The following PROSER2 variants were observed in gnomAD, a reference collection of about 807,000 sequenced individuals.
PROSER2 encodes proline and serine rich 2.
A neutral mutation model predicts 14.6 loss-of-function variants in PROSER2; 18 were observed. The ratio of observed to expected loss-of-function variants is 1.23; its 90% CI spans 0.85 to 1.83. PROSER2 has a LOEUF of 1.83. PROSER2 is among the 40% of genes most tolerant of loss of function. PROSER2 has a pLI of 0.00. For missense variants in PROSER2, 823 were observed against 629.8 expected, an observed-to-expected ratio of 1.31 and a Z score of -3.28; for synonymous variants, 367 against 286.4, an observed-to-expected ratio of 1.28 and a Z score of -2.84.
At chr10:11,861,262 A>C (rs959869370) in intron 2 of PROSER2, among the ~76,000 whole-genome samples, 3 of 152,026 alleles carry the variant, frequency 2.0e-5, no homozygotes, top group African/African-American at 7.3e-5. Context: ...TCCTCTCTGA[A>C]GTTTTTCCTG....
At chr10:11,824,713 G>A (rs1833586961) in intron 1 of PROSER2, among the ~76,000 whole-genome samples, 1 of 152,156 alleles carries the variant, frequency 6.6e-6, no homozygotes, top group African/African-American at 2.4e-5. Context: ...ATGTTAAAGC[G>A]ACTGGATTAT....
In PROSER2 at chr10:11,838,813, A is replaced by G. The variant is rs1275363574; in HGVS notation, c.-81-13184A>G. Among the ~76,000 whole-genome samples the G allele has an allele frequency of 6.6e-6, 1 of 152,154 alleles. No homozygotes were observed. The highest frequency in any genetic ancestry group is 1.5e-5 in the Non-Finnish European group (1 of 68,026). ...CCTCGTTTGTACACTGTCTAATCAT[A>G]TTCCTTGTTCATTATTTTTTTCTGA... On this transcript the variant is annotated intron_variant, in intron 1 of 3. Transcript: ENST00000277570. This position sits in a 1 kb window ranked among gnomAD's most constrained non-coding sequence, Gnocchi z 4.4.
chr10:11,842,353 T>C (rs143754443), intron 1 of PROSER2, among the ~76,000 whole-genome samples: 3 of 152,352 alleles, frequency 2.0e-5, no homozygotes, highest in Non-Finnish European at 4.4e-5. Context: ...TTTTGTCTTT[T>C]GTCCTTGCCT....
intron 2 of PROSER2, among the ~76,000 whole-genome samples, chr10:11,860,990 C>T (rs1834225744): frequency 6.6e-6 from 1 of 152,132 alleles, no homozygotes; most frequent in South Asian, 2.1e-4. Context: ...CCTGTAGTCC[C>T]AGCTACCCTG....
In PROSER2 at chr10:11,830,271, A is replaced by G. The variant is rs1314565564; in HGVS notation, c.-82+6801A>G. Among the ~76,000 whole-genome samples the G allele has an allele frequency of 6.6e-6, 1 of 152,328 alleles. No homozygotes were observed. The highest frequency in any genetic ancestry group is 1.9e-4 in the East Asian group (1 of 5,188). On this transcript the variant is annotated intron_variant, in intron 1 of 3. Coordinates refer to ENST00000277570, the MANE Select transcript of PROSER2 (RefSeq NM_153256.4). The surrounding 1 kb of genome is among the most constrained non-coding windows in gnomAD (Gnocchi z 4.5). The stretch of plus-strand genomic sequence containing the variant: ...TCGTTTAGTTCCCACTTGTGAGAAC[A>G]TGCAGTGTTTGACTTTCAGAGTTAG...
chr10:11,839,666 A>T (rs2131055790), intron 1 of PROSER2, among the ~76,000 whole-genome samples: 1 of 152,048 alleles, frequency 6.6e-6, no homozygotes, highest in East Asian at 2.0e-4. Flanking sequence ...CTCTACTAAA[A>T]ACACAAAAAT....
intron 1 of PROSER2, among the ~76,000 whole-genome samples, chr10:11,839,850 C>G (rs1002360507): frequency 6.6e-6 from 1 of 150,398 alleles, no homozygotes; most frequent in Admixed American, 6.7e-5. Context: ...ACTTAAAATA[C>G]AATATGGAAT....
intron 1 of PROSER2, among the ~76,000 whole-genome samples, chr10:11,829,420 C>CA (rs1833660752): frequency 1.3e-5 from 2 of 151,448 alleles, no homozygotes; most frequent in African/African-American, 2.4e-5. Context: ...CCCCCATCTA[C>CA]AAAAAATTAA....
rs936243350 is a variant in PROSER2 at position 11,871,149 on chromosome 10, G to C, written c.*743G>C. Reference sequence around the variant, plus strand: ...GTACGTGTCAACACATACATGCATAGGTATCCTGTGTGTCCACATGCATCA... The same window carrying C: ...GTACGTGTCAACACATACATGCATACGTATCCTGTGTGTCCACATGCATCA... On this transcript the variant is annotated 3_prime_UTR_variant, in exon 4 of 4. Transcript: ENST00000277570. The C allele has an allele frequency of 6.6e-6, 1 of 152,170 alleles. No homozygotes were observed. Among genetic ancestry groups the C allele is most frequent in the African/African-American group, 2.4e-5 (1 of 41,422 alleles). The allele number at this position is 152,170 out of a possible 1,614,324, so 9.4% of individuals were successfully genotyped here. A position where few individuals can be genotyped will look rare whatever the true frequency, so the allele number is the denominator to read the frequency against.
At chr10:11,842,931 C>G (rs377005333) in intron 1 of PROSER2, among the ~76,000 whole-genome samples, 1 of 51,956 alleles carries the variant, frequency 1.9e-5, no homozygotes, top group Non-Finnish European at 3.7e-5. Flanking sequence ...TGCCATTGTT[C>G]TTTTTTTTTT....
At chr10:11,839,023 A>G (rs941322326) in intron 1 of PROSER2, among the ~76,000 whole-genome samples, 1 of 152,204 alleles carries the variant, frequency 6.6e-6, no homozygotes, top group Admixed American at 6.5e-5. Context: ...TTGAGTCCTA[A>G]TGAATAGAAA....
At chr10:11,842,931 C>CTGTTTTTT (rs1833865926) in intron 1 of PROSER2, among the ~76,000 whole-genome samples, 1 of 51,956 alleles carries the variant, frequency 1.9e-5, no homozygotes, top group Non-Finnish European at 3.7e-5. Flanking sequence ...TGCCATTGTT[C>CTGTTTTTT]TTTTTTTTTT....
At chr10:11,841,408 A>T (rs918528605) in intron 1 of PROSER2, among the ~76,000 whole-genome samples, 27 of 151,812 alleles carry the variant, frequency 1.8e-4, no homozygotes, top group Admixed American at 1.7e-3. Flanking sequence ...ATTTTTCTCT[A>T]CTGTATGTTT....
chr10:11,833,185 A>G (rs1266354718), intron 1 of PROSER2, among the ~76,000 whole-genome samples: 1 of 149,200 alleles, frequency 6.7e-6, no homozygotes, highest in African/African-American at 2.5e-5. Flanking sequence ...TAAGTAACAA[A>G]TAGTGATTAA....
At chr10:11,860,799 A>G (rs994540082) in intron 2 of PROSER2, among the ~76,000 whole-genome samples, 1 of 152,026 alleles carries the variant, frequency 6.6e-6, no homozygotes, top group African/African-American at 2.4e-5. Context: ...GAACAAAACC[A>G]AAAGCAAGTA....
At chr10:11,850,756 A>G (rs1187586546) in intron 1 of PROSER2, 1 of 152,230 alleles carries the variant, frequency 6.6e-6, no homozygotes, top group Non-Finnish European at 1.5e-5. Context: ...GAAGTCTTAA[A>G]TGACAGGTTC....
chr10:11,833,370 C>T (rs1422976400), intron 1 of PROSER2, among the ~76,000 whole-genome samples: 1 of 148,982 alleles, frequency 6.7e-6, no homozygotes, highest in Non-Finnish European at 1.5e-5. Flanking sequence ...TAATGAGACC[C>T]CATCTCCAAA....
In PROSER2 at chr10:11,837,512, C is replaced by T. The variant is rs1480509232; in HGVS notation, c.-82+14042C>T. Reference sequence around the variant, plus strand: ...AGGGAGAACTGCAGCAATATAGGTACATGGGGTTGTCTTCAGACCCAGCCT... The same window carrying T: ...AGGGAGAACTGCAGCAATATAGGTATATGGGGTTGTCTTCAGACCCAGCCT... On this transcript the variant is annotated intron_variant, in intron 1 of 3. Coordinates refer to ENST00000277570, the MANE Select transcript of PROSER2 (RefSeq NM_153256.4). This position sits in a 1 kb window ranked among gnomAD's most constrained non-coding sequence, Gnocchi z 4.6. Among the ~76,000 whole-genome samples the T allele has an allele frequency of 1.3e-5, 2 of 152,314 alleles. No homozygotes were observed. Among genetic ancestry groups the T allele is most frequent in the South Asian group, 4.1e-4 (2 of 4,824 alleles).
chr10:11,832,700 G>C (rs1833703843), intron 1 of PROSER2, among the ~76,000 whole-genome samples: 1 of 152,150 alleles, frequency 6.6e-6, no homozygotes, highest in Non-Finnish European at 1.5e-5. Context: ...GGAAGGACTT[G>C]ATCTATAAAT....
Sources: gnomAD v4.1 joint callset for allele counts (sites outside exome capture counted in the v4.1 genomes callset) on GRCh38, gnomAD v4.1.1 for gene constraint, Gnocchi (gnomAD v3.1) non-coding constraint, MANE v1.5 for transcripts, NCBI Gene and HGNC (gene_info 2026-07-23, HGNC 2026-07-21) for gene names.